Variants in PARN observed in about 807,000 individuals in gnomAD.
The protein encoded by PARN is poly(A)-specific ribonuclease, also known as poly(A)-specific ribonuclease PARN.
In PARN, 71 loss-of-function variants were observed where a neutral mutation model predicts 102.8. The observed-to-expected ratio is 0.69, with a 90% CI of 0.57 to 0.84. The LOEUF (loss-of-function observed/expected upper bound fraction) is 0.84, where lower values mean the gene tolerates loss of function less well. Among genes scored for constraint, PARN ranks in the 40% least tolerant of loss-of-function variants. The pLI is 0.00. For missense variants in PARN, 782 were observed against 760.9 expected, an observed-to-expected ratio of 1.03 and a Z score of -0.33; for synonymous variants, 261 against 252.9, an observed-to-expected ratio of 1.03 and a Z score of -0.30.
At chr16:14,570,808 A>G (rs1351035817) in intron 18 of PARN, among the ~76,000 whole-genome samples, 3 of 121,532 alleles carry the variant, frequency 2.5e-5, no homozygotes, top group African/African-American at 9.6e-5. Context: ...TGAGGCCCCC[A>G]CCTCTACAAA....
At chr16:14,525,333 T>C (rs1567347032) in intron 21 of PARN, among the ~76,000 whole-genome samples, 1 of 152,178 alleles carries the variant, frequency 6.6e-6, no homozygotes, top group Non-Finnish European at 1.5e-5. Context: ...ACTCATCAGT[T>C]TCCAGCACTT....
chr16:14,523,796 C>T (rs1011668285), intron 21 of PARN, among the ~76,000 whole-genome samples: 3 of 152,034 alleles, frequency 2.0e-5, no homozygotes, highest in Non-Finnish European at 2.9e-5. Flanking sequence ...ACAGGGAGGT[C>T]CTTAAACAAC....
At chr16:14,605,997 T>C (rs984187771) in intron 10 of PARN, among the ~76,000 whole-genome samples, 13 of 152,172 alleles carry the variant, frequency 8.5e-5, no homozygotes, top group Admixed American at 8.5e-4. Flanking sequence ...ATCACCGTTA[T>C]CATGCTCAGT....
intron 22 of PARN, among the ~76,000 whole-genome samples, chr16:14,465,299 G>C (rs1216880808): frequency 1.3e-5 from 2 of 152,096 alleles, no homozygotes; most frequent in Non-Finnish European, 2.9e-5. Flanking sequence ...GCCCAGGCTG[G>C]TCTCGAACTC....
intron 18 of PARN, among the ~76,000 whole-genome samples, chr16:14,569,855 G>T (rs1008946716): frequency 1.3e-5 from 2 of 151,994 alleles, no homozygotes; most frequent in East Asian, 3.8e-4. Flanking sequence ...AGTGGCTATG[G>T]TTGTATAATA....
At chr16:14,458,073 CAAT>C (rs1961771371) in intron 22 of PARN, among the ~76,000 whole-genome samples, 1 of 151,934 alleles carries the variant, frequency 6.6e-6, no homozygotes, top group Admixed American at 6.6e-5. Context: ...CAATAGCATT[CAAT>C]AAGAAATACT....
chr16:14,615,842 G>A (rs974867892), intron 6 of PARN, among the ~76,000 whole-genome samples: 1 of 151,430 alleles, frequency 6.6e-6, no homozygotes, highest in Non-Finnish European at 1.5e-5. Flanking sequence ...TGGAGGCTGC[G>A]GTGAGTCGAG....
rs71373026 is a variant in PARN at position 14,435,896 on chromosome 16, T to TCA, written c.*819_*820dup. 0.11 allele frequency: 14,821 copies of TCA among 130,958 alleles called. 885 individuals are homozygous for TCA. The highest frequency in any genetic ancestry group is 0.19 in the East Asian group (793 of 4,106). 8.1% of individuals were successfully genotyped at this position (130,958 alleles called of 1,614,324 possible). A position where few individuals can be genotyped will look rare whatever the true frequency, so the allele number is the denominator to read the frequency against. On this transcript the variant is annotated 3_prime_UTR_variant, in exon 24 of 24. Transcript: ENST00000437198. Reference sequence around the variant, plus strand: ...GGACATGTTGTAGATTTGCACGATTTCACACACACACACACACACACACAC... The same window carrying TCA: ...GGACATGTTGTAGATTTGCACGATTTCACACACACACACACACACACACACAC...
At chr16:14,585,567 G>A (rs757565928) in intron 14 of PARN, among the ~76,000 whole-genome samples, 1 of 151,986 alleles carries the variant, frequency 6.6e-6, no homozygotes, top group Non-Finnish European at 1.5e-5. Context: ...TCAGAACAAG[G>A]GGGCAATAAT....
intron 18 of PARN, among the ~76,000 whole-genome samples, chr16:14,560,282 A>G (rs546323488): frequency 1.3e-5 from 2 of 152,358 alleles, no homozygotes; most frequent in South Asian, 4.1e-4. Context: ...TCATCTGCAG[A>G]TATCAAAAAG....
chr16:14,554,149 G>C lies in PARN; in HGVS notation c.1321C>G (p.Gln441Glu). 6.2e-7 allele frequency: 1 copy of C among 1,605,372 alleles called. No homozygotes were observed. Among genetic ancestry groups the C allele is most frequent in the East Asian group, 2.2e-5 (1 of 44,782 alleles). ...TGGAGAACATGATCACGTTTAGGCT[G>C]CACTACAAGACAAATTTATGATGAA... ...PYLNLEGPDL[Q>E]PKRDHVLHVT... Residue 441 changes from glutamine to glutamate, a missense_variant and splice_region_variant, in exon 20 of 24, where the codon CAG becomes GAG. By Grantham distance (29) the Gln-to-Glu change is conservative. Transcript: ENST00000437198.
intron 21 of PARN, among the ~76,000 whole-genome samples, chr16:14,484,959 TTG>T (rs1455789517): frequency 1.1e-4 from 16 of 151,822 alleles, no homozygotes; most frequent in Admixed American, 2.6e-4. Context: ...TGGCTCACAC[TTG>T]TAATCCCAGC....
At chr16:14,608,717 G>C (rs1209386284) in intron 8 of PARN, among the ~76,000 whole-genome samples, 2 of 152,202 alleles carry the variant, frequency 1.3e-5, no homozygotes, top group East Asian at 3.8e-4. Context: ...GAAATTAAAA[G>C]GGTGGAAGTA....
chr16:14,554,112 G>C lies in PARN; in HGVS notation c.1358C>G (p.Pro453Arg). ...AAGGTCGCTGGTTTTCCATTCTTTG[G>C]GGAATGTCACATGGAGAACATGATC... ...KRDHVLHVTF[P>R]KEWKTSDLYQ... Residue 453 changes from proline to arginine, a missense_variant, in exon 20 of 24, where the codon CCC becomes CGC. By Grantham distance (103) the Pro-to-Arg change is moderately radical. Coordinates refer to ENST00000437198, the MANE Select transcript of PARN (RefSeq NM_002582.4). 1 of 1,613,400 alleles carries C rather than the reference G, an allele frequency of 6.2e-7. No homozygotes were observed. The highest frequency in any genetic ancestry group is 8.5e-7 in the Non-Finnish European group (1 of 1,179,616).
At chr16:14,555,033 G>A (rs1967577781) in intron 19 of PARN, among the ~76,000 whole-genome samples, 1 of 152,182 alleles carries the variant, frequency 6.6e-6, no homozygotes, top group Non-Finnish European at 1.5e-5. Context: ...GAGAATGACA[G>A]ACCAAAATAT....
chr16:14,521,824 A>G (rs546564278), intron 21 of PARN, among the ~76,000 whole-genome samples: 1 of 152,150 alleles, frequency 6.6e-6, no homozygotes, highest in African/African-American at 2.4e-5. Context: ...AATACACGTA[A>G]CCACCACCTA....
In PARN at chr16:14,552,042, G is replaced by A; in HGVS notation, c.1459C>T (p.Gln487Ter). ...TTACCAATCTTTACTTGCTCGGGCT[G>A]GCTAAGGGAAACAAATGCTGATGTG... The part of the protein sequence containing the change: ...DDTSAFVSLS[Q>*]PEQVKIAVNT... The change falls in exon 21 of 24, where the codon CAG becomes TAG. Residue 487 changes from glutamine (Q) to a stop codon, truncating the protein, a stop_gained. Transcript: ENST00000437198. LOFTEE classifies it high-confidence loss of function. 6.2e-7 allele frequency: 1 copy of A among 1,611,946 alleles called. No homozygotes were observed. The highest frequency in any genetic ancestry group is 8.5e-7 in the Non-Finnish European group (1 of 1,178,306).
intron 18 of PARN, among the ~76,000 whole-genome samples, chr16:14,567,958 C>T (rs547920350): frequency 3.0e-4 from 46 of 152,234 alleles, no homozygotes; most frequent in African/African-American, 8.9e-4. Flanking sequence ...ATCTAAATTG[C>T]CATTCTCAAT....
intron 21 of PARN, among the ~76,000 whole-genome samples, chr16:14,530,944 T>TATTC (rs1293178276): frequency 6.6e-6 from 1 of 152,126 alleles, no homozygotes; most frequent in Admixed American, 6.5e-5. Flanking sequence ...TTGTTATCTG[T>TATTC]ATTCATTCAT....
Sources: gnomAD v4.1 joint callset for allele counts (sites outside exome capture counted in the v4.1 genomes callset) on GRCh38, gnomAD v4.1.1 for gene constraint, MANE v1.5 for transcripts, NCBI Gene and HGNC (gene_info 2026-07-23, HGNC 2026-07-21) for gene names.